C2orf92: variants seen among roughly 807,000 people sequenced by gnomAD.
C2orf92 encodes the protein uncharacterized protein C2orf92.
intron 7 of C2orf92, among the ~76,000 whole-genome samples, chr2:97,701,895 A>AC (rs1323395978): frequency 6.6e-6 from 1 of 151,772 alleles, no homozygotes; most frequent in African/African-American, 2.4e-5. Context: ...GCCTGTCTAC[A>AC]CCCCCGTCTA....
chr2:97,674,211 T>C lies in C2orf92; in HGVS notation c.47-245T>C, dbSNP rs144502871. 45 of 325,242 alleles carry C rather than the reference T, an allele frequency of 1.4e-4. No individual in the cohort carries two copies. The East Asian group carries it at 2.0e-3, about 14-fold the overall frequency. 20.1% of individuals were successfully genotyped at this position (325,242 alleles called of 1,614,324 possible). ...GAAGAAGGAGAATTATGGCACTGAG[T>C]ATCATGAGATTTGGGGTCATATATC... is the stretch of plus-strand genomic sequence containing the variant. On this transcript the variant is annotated intron_variant, in intron 1 of 7. Transcript: ENST00000627399.
At chr2:97,674,410 G>T (rs936843606) in intron 1 of C2orf92, 46 bp from the exon 2 acceptor site, 1 of 398,298 alleles carries the variant, frequency 2.5e-6, no homozygotes, top group African/African-American at 2.1e-5. Context: ...TAGGTACTTA[G>T]CAAAATATTG....
At chr2:97,686,336 T>C (rs1675959779) in intron 3 of C2orf92, among the ~76,000 whole-genome samples, 1 of 152,148 alleles carries the variant, frequency 6.6e-6, no homozygotes, top group African/African-American at 2.4e-5. Context: ...GACGACCACA[T>C]TGGGAATCAA....
At chr2:97,667,590 G>A (rs917701059), upstream of C2orf92, among the ~76,000 whole-genome samples, 10 of 151,792 alleles carry the variant, frequency 6.6e-5, no homozygotes, top group Admixed American at 1.3e-4. Flanking sequence ...CCACCACCAC[G>A]CCTGGCTAAT....
intron 1 of C2orf92, chr2:97,670,286 G>A (rs1251371517): frequency 6.6e-6 from 1 of 152,264 alleles, no homozygotes; most frequent in Non-Finnish European, 1.5e-5. Flanking sequence ...GAGCTCAGGA[G>A]TTTGTGACAG....
At chr2:97,686,417 A>AT (rs953095757) in intron 3 of C2orf92, among the ~76,000 whole-genome samples, 23 of 147,368 alleles carry the variant, frequency 1.6e-4, no homozygotes, top group East Asian at 4.0e-4. Context: ...GTTTCAGTCG[A>AT]TTTTTTTTTT....
upstream of C2orf92, chr2:97,664,001 C>T (rs971844261): frequency 1.7e-5 from 10 of 603,936 alleles, no homozygotes; most frequent in Non-Finnish European, 4.7e-6. Flanking sequence ...CCGCTGCCCT[C>T]CCTCCCCGAG....
chr2:97,680,081 C>T (rs1195602825), intron 3 of C2orf92, among the ~76,000 whole-genome samples: 1 of 152,036 alleles, frequency 6.6e-6, no homozygotes. Context: ...GGGCAGATCA[C>T]TTAAGCTCAG....
intron 5 of C2orf92, among the ~76,000 whole-genome samples, chr2:97,698,322 A>G (rs1676374970): frequency 6.6e-6 from 1 of 152,176 alleles, no homozygotes; most frequent in African/African-American, 2.4e-5. Flanking sequence ...CTCCAAGCTA[A>G]ACTCAGGCCC....
At chr2:97,696,676 C>A (rs894771456) in intron 5 of C2orf92, among the ~76,000 whole-genome samples, 1 of 152,144 alleles carries the variant, frequency 6.6e-6, no homozygotes, top group Non-Finnish European at 1.5e-5. Flanking sequence ...GTGGAGGTTG[C>A]GGTGAGCCGA....
rs72949098 is a variant in C2orf92 at position 97,675,139 on chromosome 2, C to T, written c.148+582C>T. Among the ~76,000 whole-genome samples, 1,499 of 152,276 alleles carry T rather than the reference C, an allele frequency of 9.8e-3. 25 individuals carry two copies. Among genetic ancestry groups the T allele is most frequent in the African/African-American group, 0.034 (1,403 of 41,546 alleles). The stretch of plus-strand genomic sequence containing the variant: ...ATGCAAAAATAATGCATATTAACCC[C>T]AAATCACATGAAGAAAAGAGAAACC... On this transcript the variant is annotated intron_variant, in intron 2 of 7. Transcript: ENST00000627399.
intron 7 of C2orf92, chr2:97,701,963 C>T (rs893438538): frequency 1.3e-5 from 2 of 152,290 alleles, no homozygotes; most frequent in Admixed American, 1.3e-4. Flanking sequence ...GGCACAGAGG[C>T]ACTCACCATG....
intron 4 of C2orf92, among the ~76,000 whole-genome samples, chr2:97,689,413 A>G: frequency 6.6e-6 from 1 of 152,224 alleles, no homozygotes; most frequent in East Asian, 1.9e-4. Context: ...TACCCCATTC[A>G]GTGGATGATA....
intron 3 of C2orf92, among the ~76,000 whole-genome samples, chr2:97,684,074 C>T (rs1453817800): frequency 9.8e-5 from 14 of 143,046 alleles, no homozygotes; most frequent in East Asian, 6.1e-4. Flanking sequence ...CTCACTCTGT[C>T]GCCCAGGCTG....
At chr2:97,697,286 A>G (rs1187828698) in intron 5 of C2orf92, 1 of 152,270 alleles carries the variant, frequency 6.6e-6, no homozygotes. Flanking sequence ...ACCATCAAAC[A>G]TAAAAGACGC....
At chr2:97,664,771 C>G (rs185716939), upstream of C2orf92, 1 of 151,062 alleles carries the variant, frequency 6.6e-6, no homozygotes, top group Admixed American at 6.6e-5. Flanking sequence ...GAAGGGATCT[C>G]GCTATGTTCC....
At chr2:97,696,163 T>C (rs2104597344) in intron 5 of C2orf92, among the ~76,000 whole-genome samples, 1 of 152,308 alleles carries the variant, frequency 6.6e-6, no homozygotes, top group African/African-American at 2.4e-5. Flanking sequence ...CATGCTAACA[T>C]TGAAGGTCTT....
chr2:97,701,213 A>G lies in C2orf92; in HGVS notation c.574A>G (p.Ile192Val). 2.5e-6 allele frequency: 1 copy of G among 399,048 alleles called. No individual in the cohort carries two copies. The highest frequency in any genetic ancestry group is 4.4e-6 in the Non-Finnish European group (1 of 226,090). The allele number at this position is 399,048 out of a possible 1,614,324, so 24.7% of individuals were successfully genotyped here. Residue 192 changes from isoleucine (I) to valine (V), a missense_variant, in exon 7 of 8, where the codon ATC becomes GTC. Ile to Val is a conservative substitution (Grantham distance 29). Transcript: ENST00000627399. ...TCTGCACTTCCTGCAGAGGAACACC[A>G]TCATCGCCGCCGTCTCAGGGGTGGC... ...QLLHFLQRNT[I>V]IAAVSGVAIL...
chr2:97,676,766 T>C (rs1261382012), intron 3 of C2orf92, among the ~76,000 whole-genome samples: 1 of 148,232 alleles, frequency 6.7e-6, no homozygotes, highest in Admixed American at 6.7e-5. Flanking sequence ...AGCTGTACTG[T>C]CTATTAAAAA....
Sources: gnomAD v4.1 joint callset for allele counts (sites outside exome capture counted in the v4.1 genomes callset) on GRCh38, gnomAD v4.1.1 for gene constraint, MANE v1.5 for transcripts, NCBI Gene and HGNC (gene_info 2026-07-23, HGNC 2026-07-21) for gene names.